TEX14: variants seen among roughly 807,000 people sequenced by gnomAD.
The protein encoded by TEX14 is inactive serine/threonine-protein kinase TEX14.
A neutral mutation model predicts 178.6 loss-of-function variants in TEX14; 168 were observed. The ratio of observed to expected loss-of-function variants is 0.94; its 90% CI spans 0.83 to 1.07. The LOEUF (loss-of-function observed/expected upper bound fraction) is 1.07. Among genes scored for constraint, TEX14 ranks in the 50% least tolerant of loss-of-function variants. TEX14 has a pLI of 0.00. For synonymous variants in TEX14, 626 were observed against 634.1 expected (o/e 0.99, Z 0.19); for missense variants, 1,730 against 1,753.6 (o/e 0.99, Z 0.24).
intron 20 of TEX14, among the ~76,000 whole-genome samples, chr17:58,578,123 C>G (rs1308856878): frequency 6.6e-6 from 1 of 152,086 alleles, no homozygotes; most frequent in Non-Finnish European, 1.5e-5. Flanking sequence ...ATGACTCCCC[C>G]ACCCCCATCC....
chr17:58,609,886 T>A (rs1462391715), intron 10 of TEX14, among the ~76,000 whole-genome samples: 2 of 152,204 alleles, frequency 1.3e-5, no homozygotes, highest in Non-Finnish European at 2.9e-5. Flanking sequence ...ACAGAGTATG[T>A]GACAAACAAA....
intron 1 of TEX14, chr17:58,660,753 G>A (rs759602729): frequency 1.3e-6 from 1 of 781,128 alleles, no homozygotes; most frequent in Non-Finnish European, 2.4e-6. Context: ...CCCTGATCTG[G>A]TAACACTCCA....
chr17:58,674,239 G>A (rs302870), intron 1 of TEX14, among the ~76,000 whole-genome samples: 45,007 of 150,772 alleles, frequency 0.3, 7,168 homozygotes, highest in Middle Eastern at 0.49. Context: ...TCGCACCACT[G>A]CACTCCAGCC....
At chr17:58,594,420 G>A (rs763699399) in intron 14 of TEX14, among the ~76,000 whole-genome samples, 2 of 149,972 alleles carry the variant, frequency 1.3e-5, no homozygotes, top group Admixed American at 1.3e-4. Flanking sequence ...GCCTGGTCTC[G>A]GCTCACTGCA....
intron 9 of TEX14, among the ~76,000 whole-genome samples, chr17:58,612,600 T>TG (rs947008025): frequency 2.6e-5 from 4 of 151,082 alleles, no homozygotes; most frequent in South Asian, 2.1e-4. Context: ...CTGGGTGTGG[T>TG]GGGGGGTGCC....
At chr17:58,674,562 C>T (rs546164891) in intron 1 of TEX14, among the ~76,000 whole-genome samples, 8 of 151,176 alleles carry the variant, frequency 5.3e-5, no homozygotes, top group African/African-American at 1.7e-4. Flanking sequence ...CCCAGCTACT[C>T]GAGACGGAGA....
intron 1 of TEX14, among the ~76,000 whole-genome samples, chr17:58,670,387 A>G (rs2047283767): frequency 6.6e-6 from 1 of 152,092 alleles, no homozygotes; most frequent in Non-Finnish European, 1.5e-5. Flanking sequence ...TGTGATAGAA[A>G]AGGAGTGTGA....
chr17:58,658,628 TGATCCA>T (rs1172091860), intron 1 of TEX14, among the ~76,000 whole-genome samples: 1 of 151,984 alleles, frequency 6.6e-6, no homozygotes, highest in Non-Finnish European at 1.5e-5. Flanking sequence ...TGACTTCAAG[TGATCCA>T]CCCACCTCGG....
intron 6 of TEX14, among the ~76,000 whole-genome samples, chr17:58,616,976 C>A (rs909871999): frequency 1.3e-5 from 2 of 152,038 alleles, no homozygotes; most frequent in Non-Finnish European, 2.9e-5. Context: ...TAGGGCTGGG[C>A]GAGTTGGCTC....
Position 58,557,019 on chromosome 17 carries a change from A to G in TEX14, c.4348T>C (p.Ser1450Pro), listed in dbSNP as rs753740198. ...RIIVLDQSDLSD is the reference protein window; with the variant it reads ...RIIVLDQSDLPD ...CTATGATCCAATTCCAATCAGTCTG[A>G]CAAGTCACTCTGATCCAGCACGATT... is the stretch of plus-strand genomic sequence containing the variant. The change falls in exon 32 of 32, where the codon TCA (serine) becomes CCA (proline). Residue 1450 changes from serine to proline, a missense_variant. Ser to Pro is a moderately conservative substitution (Grantham distance 74, BLOSUM62 -1). Transcript: ENST00000349033. 2.5e-6 allele frequency: 4 copies of G among 1,613,838 alleles called. No individual in the cohort carries two copies. The African/African-American group carries it at 5.3e-5, about 22-fold the overall frequency.
At position 58,646,980 on chromosome 17, in the gene TEX14, A is replaced by G. The variant is rs911437767; in HGVS notation, c.136+4886T>C. Among the ~76,000 whole-genome samples, 4 of 150,092 alleles carry G rather than the reference A, an allele frequency of 2.7e-5. No individual in the cohort carries two copies. In the South Asian group the frequency reaches 8.4e-4, roughly 32 times the overall value. On this transcript the variant is annotated intron_variant, in intron 2 of 31. Transcript: ENST00000349033. ...GAGTGCGATGGCACCATCTCGGCTCACTGCATCCTCCACCTCCAGAGTTCA... is the reference window on the plus strand; with the variant it reads ...GAGTGCGATGGCACCATCTCGGCTCGCTGCATCCTCCACCTCCAGAGTTCA...
intron 9 of TEX14, among the ~76,000 whole-genome samples, chr17:58,611,733 A>G (rs1157811273): frequency 6.6e-6 from 1 of 152,350 alleles, no homozygotes; most frequent in South Asian, 2.1e-4. Flanking sequence ...AGCTCAAAGG[A>G]CCCTGCAGAA....
intron 1 of TEX14, among the ~76,000 whole-genome samples, chr17:58,669,078 A>G (rs938554576): frequency 1.3e-5 from 2 of 152,194 alleles, no homozygotes; most frequent in Non-Finnish European, 2.9e-5. Flanking sequence ...AATGCCAGGC[A>G]CAGTGGCTCA....
intron 9 of TEX14, 28 bp downstream of exon 9, chr17:58,613,393 T>C (rs1275064801): frequency 4.3e-6 from 7 of 1,613,244 alleles, no homozygotes; most frequent in Non-Finnish European, 5.9e-6. Context: ...AGGTCAGCAA[T>C]GGAAAATCCA....
chr17:58,568,898 A>G (rs1270015572), intron 26 of TEX14, among the ~76,000 whole-genome samples: 1 of 152,228 alleles, frequency 6.6e-6, no homozygotes, highest in Non-Finnish European at 1.5e-5. Context: ...TTAATAAAAG[A>G]AATTCATCAT....
intron 3 of TEX14, 117 bp downstream of exon 3, chr17:58,630,323 T>C: frequency 1.4e-6 from 1 of 706,750 alleles, no homozygotes; most frequent in Non-Finnish European, 2.4e-6. Context: ...CCCAAAGTGC[T>C]GGGATTATAG....
At chr17:58,567,290 T>C (rs2044422205) in intron 26 of TEX14, among the ~76,000 whole-genome samples, 1 of 152,128 alleles carries the variant, frequency 6.6e-6, no homozygotes, top group Non-Finnish European at 1.5e-5. Context: ...GCAAAGCAAG[T>C]TGGGAGGCAG....
chr17:58,559,450 T>C lies in TEX14; in HGVS notation c.4267+3A>G. ...TACATTATAAACATACATTAATTCA[T>C]ACCTTCTTCAGAAGTCCCTAGAACA... is the stretch of plus-strand genomic sequence containing the variant. On this transcript the variant is annotated splice_donor_region_variant and intron_variant, in intron 30 of 31. Coordinates refer to ENST00000349033, the MANE Select transcript of TEX14 (RefSeq NM_031272.5). 8.0e-7 allele frequency: 1 copy of C among 1,251,886 alleles called. No homozygotes were observed. The highest frequency in any genetic ancestry group is 1.2e-6 in the Non-Finnish European group (1 of 855,822). The allele number at this position is 1,251,886 out of a possible 1,614,324, so 77.5% of individuals were successfully genotyped here.
chr17:58,621,744 T>C lies in TEX14; in HGVS notation c.460A>G (p.Ile154Val). Residue 154 changes from isoleucine (I) to valine (V), a missense_variant, in exon 5 of 32, where the codon ATC (isoleucine) becomes GTC (valine). By Grantham distance (29) the Ile-to-Val change is conservative. This residue lies in a region of TEX14 where 789 missense variants were observed against 681.2 expected (regional missense o/e 1.16). Transcript: ENST00000349033. ...AGGTCGTAAGAGAAGCCCTGGATGA[T>C]GGCCTGCATGTGTGAGGCACAGCGC... ...MQRCASHMQA[I>V]IQGFSYDLLK... The C allele has an allele frequency of 1.2e-6, 2 of 1,614,230 alleles. No individual in the cohort carries two copies. Among genetic ancestry groups the C allele is most frequent in the African/African-American group, 1.3e-5 (1 of 75,072 alleles).
Sources: allele counts gnomAD v4.1 joint callset (sites outside exome capture counted in the v4.1 genomes callset), GRCh38; gene constraint gnomAD v4.1.1; regional missense constraint gnomAD v4.1.1; transcripts MANE v1.5; gene names NCBI Gene and HGNC (gene_info 2026-07-23, HGNC 2026-07-21).